CFAP299: variants seen among roughly 807,000 people sequenced by gnomAD.
CFAP299 encodes cilia and flagella associated protein 299.
A neutral mutation model predicts 27.0 loss-of-function variants in CFAP299; 21 were observed. The observed-to-expected ratio is 0.78, with a 90% confidence interval of 0.55 to 1.12. CFAP299 has a LOEUF of 1.12. Among genes scored for constraint, CFAP299 ranks in the 50% most tolerant of loss-of-function variants. The pLI is 0.00. For synonymous variants in CFAP299, 104 were observed against 98.1 expected (o/e 1.06, Z -0.36); for missense variants, 310 against 276.6 (o/e 1.12, Z -0.86).
chr4:80,781,459 CTT>C (rs1403124964), intron 3 of CFAP299, among the ~76,000 whole-genome samples: 3 of 151,870 alleles, frequency 2.0e-5, no homozygotes, highest in Non-Finnish European at 4.4e-5. Context: ...ATTTTTGTGA[CTT>C]TATCCTAAAG....
intron 3 of CFAP299, among the ~76,000 whole-genome samples, chr4:80,767,912 T>C (rs1725988409): frequency 6.6e-6 from 1 of 152,220 alleles, no homozygotes; most frequent in Non-Finnish European, 1.5e-5. Flanking sequence ...GTTTCACTAG[T>C]TATATCCATT....
intron 2 of CFAP299, among the ~76,000 whole-genome samples, chr4:80,456,739 G>C (rs1238153118): frequency 3.9e-5 from 6 of 152,172 alleles, no homozygotes; most frequent in Non-Finnish European, 8.8e-5. Flanking sequence ...TTGGAGTTCA[G>C]TGGAGAGGTC....
chr4:80,441,524 C>T (rs1728355611), intron 2 of CFAP299, among the ~76,000 whole-genome samples: 1 of 152,162 alleles, frequency 6.6e-6, no homozygotes, highest in African/African-American at 2.4e-5. Flanking sequence ...TTGTCATCAC[C>T]AGGCCTGCCT....
At chr4:80,578,806 T>A (rs980309556) in intron 2 of CFAP299, among the ~76,000 whole-genome samples, 2 of 152,188 alleles carry the variant, frequency 1.3e-5, no homozygotes, top group Non-Finnish European at 2.9e-5. Flanking sequence ...TTTAGTTTAA[T>A]TTTTATTATC....
intron 3 of CFAP299, among the ~76,000 whole-genome samples, chr4:80,737,324 G>GA (rs942489696): frequency 1.7e-4 from 25 of 147,802 alleles, no homozygotes; most frequent in East Asian, 9.9e-4. Flanking sequence ...AATAATAAAT[G>GA]AAAAAAAAAT....
chr4:80,414,472 C>G (rs1341745401), intron 2 of CFAP299, among the ~76,000 whole-genome samples: 2 of 152,176 alleles, frequency 1.3e-5, no homozygotes, highest in African/African-American at 4.8e-5. Flanking sequence ...CTTTTGTTCA[C>G]TTAGAACATC....
chr4:80,367,867 G>C (rs959301062), intron 2 of CFAP299, among the ~76,000 whole-genome samples: 2 of 152,166 alleles, frequency 1.3e-5, no homozygotes, highest in African/African-American at 4.8e-5. Flanking sequence ...TTTATAGTGA[G>C]AAGTTCAGCT....
intron 3 of CFAP299, among the ~76,000 whole-genome samples, chr4:80,840,057 CT>C (rs1730778258): frequency 6.6e-6 from 1 of 152,138 alleles, no homozygotes. Context: ...TGTTTAGCAG[CT>C]TAACCTAGAA....
intron 2 of CFAP299, among the ~76,000 whole-genome samples, chr4:80,558,093 T>C (rs565094002): frequency 1.3e-5 from 2 of 152,264 alleles, no homozygotes; most frequent in African/African-American, 4.8e-5. Context: ...TGAATTAGTA[T>C]GAGAGAAATC....
chr4:80,799,437 A>G (rs1193210580), intron 3 of CFAP299, among the ~76,000 whole-genome samples: 1 of 92,146 alleles, frequency 1.1e-5, no homozygotes, highest in Non-Finnish European at 1.8e-5. Context: ...TAATATATAT[A>G]ATATTTATAA....
intron 2 of CFAP299, among the ~76,000 whole-genome samples, chr4:80,367,412 C>A (rs1038301407): frequency 4.6e-5 from 7 of 152,114 alleles, no homozygotes; most frequent in Non-Finnish European, 8.8e-5. Context: ...GTGAACACAT[C>A]CATTTTGCCT....
chr4:80,336,776 AC>A (rs1186761290), intron 1 of CFAP299: 1 of 152,234 alleles, frequency 6.6e-6, no homozygotes, highest in African/African-American at 2.4e-5. Context: ...TCTCCACAGG[AC>A]CCAGAAATGC....
At chr4:80,375,691 C>T (rs1189109118) in intron 2 of CFAP299, among the ~76,000 whole-genome samples, 7 of 152,140 alleles carry the variant, frequency 4.6e-5, no homozygotes. Context: ...ACCTTAATGC[C>T]CATGGGCAAA....
chr4:80,621,779 A>G (rs1738617630), intron 3 of CFAP299, among the ~76,000 whole-genome samples: 2 of 152,286 alleles, frequency 1.3e-5, no homozygotes, highest in African/African-American at 4.8e-5. Context: ...ATGAGCTGTG[A>G]GTCAAATGCT....
intron 3 of CFAP299, among the ~76,000 whole-genome samples, chr4:80,763,832 C>T (rs1291615928): frequency 6.6e-6 from 1 of 152,090 alleles, no homozygotes; most frequent in East Asian, 1.9e-4. Context: ...CTTCAACAAA[C>T]CTGACAAAAA....
At chr4:80,492,054 T>C (rs1278292050) in intron 2 of CFAP299, among the ~76,000 whole-genome samples, 3 of 152,206 alleles carry the variant, frequency 2.0e-5, no homozygotes, top group African/African-American at 7.2e-5. Context: ...ATCTTAACCG[T>C]TTTTGTCTAT....
chr4:80,357,336 A>G (rs896399893), intron 1 of CFAP299, among the ~76,000 whole-genome samples: 4 of 152,196 alleles, frequency 2.6e-5, no homozygotes, highest in Admixed American at 6.5e-5. Context: ...TGGTATCAGA[A>G]TGATGCTGGC....
intron 2 of CFAP299, among the ~76,000 whole-genome samples, chr4:80,571,989 C>T (rs991270357): frequency 4.6e-5 from 7 of 152,108 alleles, no homozygotes; most frequent in Non-Finnish European, 1.5e-5. Flanking sequence ...TGTAAAGATT[C>T]AATAGCATTA....
chr4:80,766,919 G>C (rs540043672), intron 3 of CFAP299, among the ~76,000 whole-genome samples: 1 of 152,206 alleles, frequency 6.6e-6, no homozygotes, highest in East Asian at 1.9e-4. Flanking sequence ...TGTATGTAGC[G>C]AAAGAGTAAA....
Sources: gnomAD v4.1 joint callset for allele counts (sites outside exome capture counted in the v4.1 genomes callset) on GRCh38, gnomAD v4.1.1 for gene constraint, MANE v1.5 for transcripts, NCBI Gene and HGNC (gene_info 2026-07-23, HGNC 2026-07-21) for gene names.